The following MAPKAP1 variants were observed in gnomAD, a reference collection of about 807,000 sequenced individuals.
MAPKAP1 encodes MAPK associated protein 1.
Under a neutral mutation model 65.7 loss-of-function variants are expected in MAPKAP1, and 20 were observed. The ratio of observed to expected loss-of-function variants is 0.30; its 90% CI spans 0.21 to 0.44. The LOEUF (loss-of-function observed/expected upper bound fraction) is 0.44, where lower values mean the gene tolerates loss of function less well. MAPKAP1 is among the 20% of genes least tolerant of loss of function. The probability of loss-of-function intolerance (pLI) is 1.00; values close to 1 mark genes in which losing one functional copy is unlikely to be tolerated. For missense variants in MAPKAP1, 423 were observed against 648.0 expected (o/e 0.65, Z 3.77); for synonymous variants, 222 against 244.3 (o/e 0.91, Z 0.85).
intron 7 of MAPKAP1, 138 bp downstream of exon 7, chr9:125,542,921 T>G (rs1244062544): frequency 2.6e-6 from 2 of 781,632 alleles, no homozygotes; most frequent in African/African-American, 3.4e-5. Flanking sequence ...CACCTTTTCT[T>G]GCATAGATCA....
intron 10 of MAPKAP1, among the ~76,000 whole-genome samples, chr9:125,455,627 C>T (rs1311614943): frequency 2.0e-5 from 3 of 150,426 alleles, no homozygotes; most frequent in Non-Finnish European, 3.0e-5. Context: ...GAGGGAATAA[C>T]ATTTCACTTA....
At chr9:125,554,795 A>C (rs1034378469) in intron 6 of MAPKAP1, among the ~76,000 whole-genome samples, 3 of 45,580 alleles carry the variant, frequency 6.6e-5, no homozygotes, top group East Asian at 4.1e-4. Context: ...GACACTTATC[A>C]AAAAAAAAAA....
intron 1 of MAPKAP1, among the ~76,000 whole-genome samples, chr9:125,682,790 A>T (rs1323119264): frequency 6.6e-6 from 1 of 152,210 alleles, no homozygotes; most frequent in Non-Finnish European, 1.5e-5. Flanking sequence ...ACTAGCACTC[A>T]ATTGTCTACC....
chr9:125,668,784 G>T (rs1465874659), intron 3 of MAPKAP1, among the ~76,000 whole-genome samples: 3 of 152,192 alleles, frequency 2.0e-5, no homozygotes, highest in Non-Finnish European at 2.9e-5. Context: ...TAAGGGAAAA[G>T]AATTTGCATA....
At chr9:125,488,537 G>C (rs1413610436) in intron 8 of MAPKAP1, among the ~76,000 whole-genome samples, 1 of 152,168 alleles carries the variant, frequency 6.6e-6, no homozygotes, top group Non-Finnish European at 1.5e-5. Flanking sequence ...GGAGAGATGG[G>C]ATTTCGCCTT....
Position 125,506,460 on chromosome 9 carries a change from C to T in MAPKAP1, c.959-43G>A, listed in dbSNP as rs774017832. ...CAGGAGGAGGGGAGGAAGTCTGAAACAGCGAATTTAACATTTAAAAAACAC... is the reference window on the plus strand; with the variant it reads ...CAGGAGGAGGGGAGGAAGTCTGAAATAGCGAATTTAACATTTAAAAAACAC... On this transcript the variant is annotated intron_variant, in intron 7 of 11. Transcript: ENST00000265960. 3 of 1,516,040 alleles carry T rather than the reference C, an allele frequency of 2.0e-6. No individual in the cohort carries two copies. In the South Asian group the frequency reaches 3.4e-5, roughly 17 times the overall value. 93.9% of individuals were successfully genotyped at this position (1,516,040 alleles called of 1,614,324 possible).
intron 5 of MAPKAP1, among the ~76,000 whole-genome samples, chr9:125,571,076 G>T (rs1456449272): frequency 6.6e-6 from 1 of 152,060 alleles, no homozygotes; most frequent in Admixed American, 6.6e-5. Flanking sequence ...GGCTTATTTG[G>T]TATAAAAATC....
intron 10 of MAPKAP1, among the ~76,000 whole-genome samples, chr9:125,464,943 C>T (rs1853624062): frequency 6.6e-6 from 1 of 152,174 alleles, no homozygotes; most frequent in South Asian, 2.1e-4. Flanking sequence ...GGTTTAAAAA[C>T]CATTTCTTTT....
At chr9:125,699,637 A>ATTTTTT (rs576223488) in intron 1 of MAPKAP1, among the ~76,000 whole-genome samples, 1 of 136,452 alleles carries the variant, frequency 7.3e-6, no homozygotes. Flanking sequence ...TTTGATTTTG[A>ATTTTTT]TTTTTTTTTT....
intron 8 of MAPKAP1, among the ~76,000 whole-genome samples, chr9:125,497,078 G>C (rs1023620442): frequency 2.0e-5 from 3 of 152,058 alleles, no homozygotes; most frequent in African/African-American, 7.2e-5. Context: ...AGGTAATCTG[G>C]GCAGCTCCTA....
intron 1 of MAPKAP1, among the ~76,000 whole-genome samples, chr9:125,680,999 A>G (rs1834806419): frequency 6.6e-6 from 1 of 152,250 alleles, no homozygotes; most frequent in South Asian, 2.1e-4. Flanking sequence ...TGTACTAATC[A>G]CTTTTCATGT....
At chr9:125,531,596 C>G (rs570773756) in intron 7 of MAPKAP1, among the ~76,000 whole-genome samples, 5 of 152,240 alleles carry the variant, frequency 3.3e-5, no homozygotes, top group East Asian at 1.9e-4. Context: ...CATGTTTGTA[C>G]ATTCAGAAAT....
At chr9:125,579,620 T>C (rs987225515) in intron 5 of MAPKAP1, among the ~76,000 whole-genome samples, 2 of 152,206 alleles carry the variant, frequency 1.3e-5, no homozygotes, top group African/African-American at 4.8e-5. Context: ...AATGGTTTTC[T>C]TGACAACCAG....
rs981416511 is a variant in MAPKAP1, at chr9:125,707,195, G to A, written c.-294C>T. 23 of 396,490 alleles carry A rather than the reference G, an allele frequency of 5.8e-5. No individual in the cohort carries two copies. The highest frequency in any genetic ancestry group is 8.4e-5 in the Non-Finnish European group (19 of 224,982). 24.6% of individuals were successfully genotyped at this position (396,490 alleles called of 1,614,324 possible). On this transcript the variant is annotated 5_prime_UTR_variant, in exon 1 of 12. Coordinates refer to ENST00000265960, the MANE Select transcript of MAPKAP1 (RefSeq NM_001006617.3). ...GGCCGAGCAGCAGCCCTATTACCCCGAGCCGCACACGACCCGGAACCACAC... is the reference window on the plus strand; with the variant it reads ...GGCCGAGCAGCAGCCCTATTACCCCAAGCCGCACACGACCCGGAACCACAC...
At chr9:125,603,222 G>A (rs974903936) in intron 4 of MAPKAP1, among the ~76,000 whole-genome samples, 1 of 152,080 alleles carries the variant, frequency 6.6e-6, no homozygotes, top group Non-Finnish European at 1.5e-5. Flanking sequence ...GTCTGATTCA[G>A]TTTCAAGAAG....
intron 1 of MAPKAP1, among the ~76,000 whole-genome samples, chr9:125,701,564 G>C (rs908282016): frequency 6.6e-6 from 1 of 152,132 alleles, no homozygotes; most frequent in Non-Finnish European, 1.5e-5. Flanking sequence ...ACCCTCTCTA[G>C]TCAACTGCTC....
chr9:125,685,210 T>C (rs1463152173), intron 1 of MAPKAP1, among the ~76,000 whole-genome samples: 1 of 151,974 alleles, frequency 6.6e-6, no homozygotes, highest in African/African-American at 2.4e-5. Context: ...GAGTTAGAAG[T>C]GCCATGAAGA....
At chr9:125,546,868 G>A (rs913594986) in intron 6 of MAPKAP1, among the ~76,000 whole-genome samples, 3 of 152,014 alleles carry the variant, frequency 2.0e-5, no homozygotes, top group South Asian at 2.1e-4. Flanking sequence ...CTCAGAAACC[G>A]CTCCTCCTCC....
intron 5 of MAPKAP1, among the ~76,000 whole-genome samples, chr9:125,560,941 A>C (rs546479705): frequency 2.6e-5 from 4 of 152,220 alleles, no homozygotes; most frequent in South Asian, 2.1e-4. Flanking sequence ...ACCAACATAC[A>C]GACAGTGTAA....
Sources: gnomAD v4.1 joint callset for allele counts (sites outside exome capture counted in the v4.1 genomes callset) on GRCh38, gnomAD v4.1.1 for gene constraint, MANE v1.5 for transcripts, NCBI Gene and HGNC (gene_info 2026-07-23, HGNC 2026-07-21) for gene names.